The following TENM3 variants were observed in gnomAD, a reference collection of about 807,000 sequenced individuals.
TENM3 encodes teneurin-3.
A neutral mutation model predicts 255.1 loss-of-function variants in TENM3; 63 were observed. The ratio of observed to expected loss-of-function variants is 0.25; its 90% CI spans 0.20 to 0.30. TENM3 has a LOEUF of 0.30. TENM3 is among the 10% of genes least tolerant of loss of function. The probability of loss-of-function intolerance (pLI) is 1.00; values close to 1 mark genes in which losing one functional copy is unlikely to be tolerated. For missense variants in TENM3, 2,929 were observed against 3,461.1 expected, an observed-to-expected ratio of 0.85 and a Z score of 3.86; for synonymous variants, 1,306 against 1,322.3, an observed-to-expected ratio of 0.99 and a Z score of 0.27.
chr4:181,503,656 G>A, the TENM3 span, among the ~76,000 whole-genome samples: 1 of 152,176 alleles, frequency 6.6e-6, no homozygotes, highest in Non-Finnish European at 1.5e-5. Context: ...AGCGTCTGGT[G>A]TTGGGACTCC....
At chr4:181,574,408 G>A in the TENM3 span, among the ~76,000 whole-genome samples, 35 of 151,852 alleles carry the variant, frequency 2.3e-4, no homozygotes, top group African/African-American at 7.3e-4. Flanking sequence ...GCGGGCGCCT[G>A]TAGTCCCAGC....
At chr4:181,620,984 T>G in the TENM3 span, among the ~76,000 whole-genome samples, 5 of 152,176 alleles carry the variant, frequency 3.3e-5, no homozygotes, top group Admixed American at 6.5e-5. Context: ...CCTCTTGACT[T>G]CTGCATTTAG....
At chr4:182,733,574 A>G (rs1294989942) in intron 16 of TENM3, among the ~76,000 whole-genome samples, 1 of 150,570 alleles carries the variant, frequency 6.6e-6, no homozygotes, top group Non-Finnish European at 1.5e-5. Context: ...CTAAAGAGGT[A>G]AATTTGGGAG....
chr4:181,982,810 C>G, the TENM3 span, among the ~76,000 whole-genome samples: 1 of 152,170 alleles, frequency 6.6e-6, no homozygotes, highest in East Asian at 1.9e-4. Context: ...AACTGCCACA[C>G]TTTCATCCAG....
At chr4:181,959,909 G>C in the TENM3 span, among the ~76,000 whole-genome samples, 1 of 152,174 alleles carries the variant, frequency 6.6e-6, no homozygotes, top group Non-Finnish European at 1.5e-5. Context: ...GGGGTAGAGA[G>C]GCAGAAGCAA....
At chr4:182,398,673 G>A (rs1265547062) in intron 3 of TENM3, among the ~76,000 whole-genome samples, 2 of 152,180 alleles carry the variant, frequency 1.3e-5, no homozygotes, top group African/African-American at 2.4e-5. Context: ...GGAACGTGGA[G>A]GAAAGGCAGA....
At chr4:181,510,399 C>G in the TENM3 span, among the ~76,000 whole-genome samples, 1 of 152,128 alleles carries the variant, frequency 6.6e-6, no homozygotes, top group Non-Finnish European at 1.5e-5. Flanking sequence ...TTTCCCCCTG[C>G]TATCCTCAGA....
At chr4:182,623,834 G>T (rs969520338) in intron 4 of TENM3, among the ~76,000 whole-genome samples, 1 of 151,768 alleles carries the variant, frequency 6.6e-6, no homozygotes, top group South Asian at 2.1e-4. Flanking sequence ...GTTCCTATCC[G>T]CGAGACCCCT....
At chr4:182,611,470 AT>A (rs1309801953) in intron 4 of TENM3, among the ~76,000 whole-genome samples, 5 of 151,974 alleles carry the variant, frequency 3.3e-5, no homozygotes, top group Non-Finnish European at 5.9e-5. Flanking sequence ...CAATTCTAAC[AT>A]TTATATAAAC....
the TENM3 span, among the ~76,000 whole-genome samples, chr4:181,594,228 A>G: frequency 1.3e-5 from 2 of 152,226 alleles, no homozygotes; most frequent in African/African-American, 4.8e-5. Context: ...TGAATTATCT[A>G]CATGACCCAA....
the TENM3 span, among the ~76,000 whole-genome samples, chr4:181,561,166 C>A: frequency 6.6e-6 from 1 of 152,110 alleles, no homozygotes; most frequent in African/African-American, 2.4e-5. Flanking sequence ...GTTGGCCAGG[C>A]TGGTCTCGAA....
the TENM3 span, among the ~76,000 whole-genome samples, chr4:181,886,483 T>C: frequency 5.3e-5 from 8 of 152,212 alleles, no homozygotes; most frequent in Non-Finnish European, 1.0e-4. Flanking sequence ...TACATGAAAA[T>C]CATTAATTAA....
intron 3 of TENM3, among the ~76,000 whole-genome samples, chr4:182,595,277 G>C (rs1278359946): frequency 6.6e-6 from 1 of 151,954 alleles, no homozygotes; most frequent in Non-Finnish European, 1.5e-5. Flanking sequence ...TCCATGAATA[G>C]GCCTTACATT....
At chr4:182,511,002 A>G (rs750599094) in intron 3 of TENM3, among the ~76,000 whole-genome samples, 2 of 152,196 alleles carry the variant, frequency 1.3e-5, no homozygotes, top group Non-Finnish European at 2.9e-5. Context: ...ACTGTCAAAC[A>G]GTGGATTCCC....
intron 2 of TENM3, among the ~76,000 whole-genome samples, chr4:182,328,372 C>T (rs566535287): frequency 6.6e-5 from 10 of 152,112 alleles, no homozygotes; most frequent in South Asian, 2.1e-4. Flanking sequence ...CCTGCCACTA[C>T]GCCCAGCTAA....
At chr4:181,476,725 G>C in the TENM3 span, among the ~76,000 whole-genome samples, 1 of 152,268 alleles carries the variant, frequency 6.6e-6, no homozygotes, top group South Asian at 2.1e-4. Context: ...TCATAAATAC[G>C]TTTCCAATGA....
chr4:182,019,691 G>C, the TENM3 span, among the ~76,000 whole-genome samples: 1 of 152,114 alleles, frequency 6.6e-6, no homozygotes, highest in African/African-American at 2.4e-5. Context: ...TGTTGTTCTT[G>C]TTGTTGAGAC....
At chr4:181,534,409 T>C in the TENM3 span, among the ~76,000 whole-genome samples, 2 of 152,136 alleles carry the variant, frequency 1.3e-5, no homozygotes, top group African/African-American at 2.4e-5. Context: ...TAAGACATTT[T>C]AGTTCCTTTG....
At chr4:181,967,006 GCT>G in the TENM3 span, among the ~76,000 whole-genome samples, 39 of 144,550 alleles carry the variant, frequency 2.7e-4, no homozygotes, top group Non-Finnish European at 3.4e-4. Flanking sequence ...TCTCTCTCTC[GCT>G]CTCTCTCTCT....
Sources: gnomAD v4.1 joint callset for allele counts (sites outside exome capture counted in the v4.1 genomes callset) on GRCh38, gnomAD v4.1.1 for gene constraint, MANE v1.5 for transcripts, NCBI Gene and HGNC (gene_info 2026-07-23, HGNC 2026-07-21) for gene names.